The following DOCK9 variants were observed in gnomAD, a reference collection of about 807,000 sequenced individuals.
The protein encoded by DOCK9 is dedicator of cytokinesis protein 9.
In DOCK9, 89 loss-of-function variants were observed where a neutral mutation model predicts 263.3. The observed-to-expected ratio is 0.34, with a 90% confidence interval of 0.28 to 0.40. The LOEUF is 0.40. Ranked by LOEUF, DOCK9 falls within the 10% of genes least tolerant of loss-of-function variation. The pLI, the probability that DOCK9 is intolerant of heterozygous loss-of-function variation, is 1.00. For synonymous variants in DOCK9, 976 were observed against 973.1 expected (o/e 1.00, Z -0.06); for missense variants, 2,140 against 2,603.4 (o/e 0.82, Z 3.87).
intron 1 of DOCK9, among the ~76,000 whole-genome samples, chr13:99,039,325 G>T (rs565808139): frequency 1.3e-5 from 2 of 152,000 alleles, no homozygotes; most frequent in East Asian, 3.9e-4. Flanking sequence ...GTGTGAAAAT[G>T]GCTCTACAAT....
chr13:98,974,622 C>T (rs905410475), intron 1 of DOCK9, among the ~76,000 whole-genome samples: 5 of 151,590 alleles, frequency 3.3e-5, no homozygotes, highest in Admixed American at 2.6e-4. Context: ...TGGTGGCATG[C>T]GCCTGTAATT....
At chr13:98,885,610 A>T (rs1321158360) in intron 20 of DOCK9, 98 bp downstream of exon 20, 22 of 1,330,394 alleles carry the variant, frequency 1.7e-5, no homozygotes, top group Non-Finnish European at 2.2e-5. Flanking sequence ...TCATTTAAAG[A>T]TCCCTTTGCA....
intron 7 of DOCK9, among the ~76,000 whole-genome samples, 171 bp downstream of exon 7, chr13:98,920,783 C>T (rs1250854549): frequency 2.0e-5 from 3 of 152,238 alleles, no homozygotes; most frequent in African/African-American, 4.8e-5. Context: ...TACATTATCC[C>T]TTCCATCTTC....
At chr13:99,071,913 C>T (rs925032971) in intron 1 of DOCK9, among the ~76,000 whole-genome samples, 2 of 152,210 alleles carry the variant, frequency 1.3e-5, no homozygotes, top group Non-Finnish European at 1.5e-5. Context: ...TCTTCTTCCT[C>T]ATCATGGGGC....
chr13:98,944,262 A>C (rs1332892759), intron 2 of DOCK9, among the ~76,000 whole-genome samples: 2 of 152,024 alleles, frequency 1.3e-5, no homozygotes, highest in Non-Finnish European at 2.9e-5. Flanking sequence ...GTGGTATTTC[A>C]TACGTGTGTG....
intron 34 of DOCK9, 67 bp from the exon 35 acceptor site, chr13:98,853,589 C>A: frequency 8.7e-7 from 1 of 1,152,302 alleles, no homozygotes; most frequent in South Asian, 1.3e-5. Flanking sequence ...CCTTTTCTCC[C>A]TTGGAAGAGA....
intron 1 of DOCK9, among the ~76,000 whole-genome samples, chr13:99,060,862 C>CTAT (rs1334182175): frequency 6.6e-6 from 1 of 152,202 alleles, no homozygotes; most frequent in African/African-American, 2.4e-5. Flanking sequence ...ATTTACAGCT[C>CTAT]TATCCTCAGG....
intron 1 of DOCK9, among the ~76,000 whole-genome samples, chr13:98,973,095 T>C (rs1307130135): frequency 1.3e-5 from 2 of 152,234 alleles, no homozygotes; most frequent in African/African-American, 4.8e-5. Context: ...TCTTTCACCA[T>C]CCAATATTTT....
intron 37 of DOCK9, chr13:98,846,660 C>A: frequency 1.2e-6 from 1 of 844,726 alleles, no homozygotes; most frequent in Non-Finnish European, 1.8e-6. Flanking sequence ...AAAATGAGAC[C>A]AGGGCTGCAA....
intron 2 of DOCK9, among the ~76,000 whole-genome samples, chr13:98,935,461 T>C (rs1286416066): frequency 6.6e-6 from 1 of 152,160 alleles, no homozygotes; most frequent in Non-Finnish European, 1.5e-5. Context: ...TCAGTGTCTC[T>C]ATCACTATTT....
intron 1 of DOCK9, among the ~76,000 whole-genome samples, chr13:99,073,581 T>C (rs1566391799): frequency 6.6e-6 from 1 of 152,166 alleles, no homozygotes; most frequent in Non-Finnish European, 1.5e-5. Context: ...CAGCTGGCAT[T>C]GATCTTTTCC....
At chr13:98,800,039 C>T (rs1378546450) in intron 50 of DOCK9, among the ~76,000 whole-genome samples, 1 of 152,102 alleles carries the variant, frequency 6.6e-6, no homozygotes, top group Non-Finnish European at 1.5e-5. Flanking sequence ...CAAATACTGA[C>T]AAATCAGGGT....
Position 98,825,927 on chromosome 13 carries a change from C to A in DOCK9, c.5023+903G>T. The A allele has an allele frequency of 6.5e-7, 1 of 1,550,056 alleles. No homozygotes were observed. The highest frequency in any genetic ancestry group is 1.3e-5 in the South Asian group (1 of 79,708). On this transcript the variant is annotated intron_variant, in intron 44 of 52. Coordinates refer to ENST00000682017, the MANE Select transcript of DOCK9 (RefSeq NM_001366683.2). The surrounding 1 kb of genome is among the most constrained non-coding windows in gnomAD (Gnocchi z 4.1). ...GGCTGTGGGGGAGAAGGGGCGGCTC[C>A]CACTGGACTGCTTCTAAACATGAGG...
chr13:98,898,945 G>A (rs1468194937), intron 13 of DOCK9, among the ~76,000 whole-genome samples: 1 of 151,968 alleles, frequency 6.6e-6, no homozygotes, highest in Non-Finnish European at 1.5e-5. Context: ...TGCTAAAAAA[G>A]ATAATGCTTA....
In DOCK9 at chr13:98,879,952, A is replaced by C; in HGVS notation, c.2889T>G (p.Phe963Leu). 1.2e-6 allele frequency: 2 copies of C among 1,607,438 alleles called. No individual in the cohort carries two copies. The highest frequency in any genetic ancestry group is 1.7e-6 in the Non-Finnish European group (2 of 1,178,410). The change falls in exon 27 of 53, where the codon TTT becomes TTG. Residue 963 changes from phenylalanine to leucine, a missense_variant. Physicochemically the swap from Phe to Leu is conservative, Grantham distance 22 (BLOSUM62 0). This residue lies in a region of DOCK9 where 1,521 missense variants were observed against 1,741.7 expected (regional missense o/e 0.87). Transcript: ENST00000682017. ...GAGCCATAGATTTGATCAGTACATC[A>C]AAGAAAAACCATGAGTACTAAAAGA... ...NKLLKYSWFFFDVLIKSMAQH... is the reference protein window; with the variant it reads ...NKLLKYSWFFLDVLIKSMAQH...
intron 2 of DOCK9, among the ~76,000 whole-genome samples, chr13:98,937,067 T>A (rs978140134): frequency 6.6e-6 from 1 of 152,206 alleles, no homozygotes; most frequent in Non-Finnish European, 1.5e-5. Context: ...TAGGTCTATA[T>A]CCACTTTATA....
At chr13:98,840,103 G>GAAC (rs796522541) in intron 38 of DOCK9, among the ~76,000 whole-genome samples, 7 of 152,336 alleles carry the variant, frequency 4.6e-5, no homozygotes, top group African/African-American at 1.7e-4. Flanking sequence ...TCAAGGCCTG[G>GAAC]AACAGAGCTG....
chr13:99,040,559 C>A (rs891001318), intron 1 of DOCK9, among the ~76,000 whole-genome samples: 12 of 152,104 alleles, frequency 7.9e-5, no homozygotes, highest in African/African-American at 1.9e-4. Flanking sequence ...AAAACTCAAT[C>A]CAAACATTAT....
At chr13:99,082,139 T>C (rs907926960) in intron 1 of DOCK9, among the ~76,000 whole-genome samples, 5 of 151,944 alleles carry the variant, frequency 3.3e-5, no homozygotes, top group Admixed American at 3.3e-4. Context: ...GGATTGCTTG[T>C]ACCCGGGAGT....
Sources: allele counts gnomAD v4.1 joint callset (sites outside exome capture counted in the v4.1 genomes callset), GRCh38; gene constraint gnomAD v4.1.1; regional missense constraint gnomAD v4.1.1; non-coding constraint Gnocchi (gnomAD v3.1); transcripts MANE v1.5; gene names NCBI Gene and HGNC (gene_info 2026-07-23, HGNC 2026-07-21).